Variants in ZNF528 observed in about 807,000 individuals in gnomAD.
The protein encoded by ZNF528 is zinc finger protein 528.
In ZNF528, 9 loss-of-function variants were observed where a neutral mutation model predicts 13.3. The observed-to-expected ratio is 0.67, with a 90% CI of 0.41 to 1.18. The LOEUF (loss-of-function observed/expected upper bound fraction) is 1.18. Ranked by LOEUF, ZNF528 falls within the 50% of genes most tolerant of loss-of-function variation. The probability of loss-of-function intolerance (pLI) is 0.01; values close to 1 mark genes in which losing one functional copy is unlikely to be tolerated. For synonymous variants in ZNF528, 264 were observed against 254.3 expected, an observed-to-expected ratio of 1.04 and a Z score of -0.36; for missense variants, 858 against 745.4, an observed-to-expected ratio of 1.15 and a Z score of -1.76.
rs142551816 is a variant in ZNF528, at chr19:52,403,340, G to A, written c.15+1312G>A. ...TTGAGACCCTGTGTCTAAAAATTGC[G>A]AACCAAACTAATGATGAAAAATATG... On this transcript the variant is annotated intron_variant, in intron 4 of 6. Transcript: ENST00000360465. Among the ~76,000 whole-genome samples the A allele has an allele frequency of 1.6e-4, 25 of 152,162 alleles. No individual in the cohort carries two copies. The East Asian group carries it at 4.3e-3, about 26-fold the overall frequency.
chr19:52,416,716 C>CA lies in ZNF528; in HGVS notation c.1865dup (p.His623AlafsTer20), dbSNP rs776964525. On this transcript the variant is annotated frameshift_variant, in exon 7 of 7. Coordinates refer to ENST00000360465, the MANE Select transcript of ZNF528 (RefSeq NM_032423.3). LOFTEE classifies it high-confidence loss of function. ...CTTCAGTCACAATTCTGACCTTGCACAGCATCAGAGAGTTCATTCATGAGA... is the reference window on the plus strand; with the variant it reads ...CTTCAGTCACAATTCTGACCTTGCACAAGCATCAGAGAGTTCATTCATGAGA... 2 of 1,604,910 alleles carry CA rather than the reference C, an allele frequency of 1.2e-6. No individual in the cohort carries two copies. The highest frequency in any genetic ancestry group is 2.2e-5 in the South Asian group (2 of 90,658).
At chr19:52,403,443 A>G (rs1163884152) in intron 4 of ZNF528, among the ~76,000 whole-genome samples, 1 of 152,116 alleles carries the variant, frequency 6.6e-6, no homozygotes, top group African/African-American at 2.4e-5. Context: ...CGGGCAGATG[A>G]GAGGGTCAGG....
In ZNF528 at chr19:52,418,138, C is replaced by G. The variant is rs1233033134; in HGVS notation, c.*1399C>G. On this transcript the variant is annotated 3_prime_UTR_variant, in exon 7 of 7. Coordinates refer to ENST00000360465, the MANE Select transcript of ZNF528 (RefSeq NM_032423.3). ...TAGCTGGGATTACAGGCGTGTACCA[C>G]CATACCCAGCTAATTTTTGTATTTT... The G allele has an allele frequency of 6.6e-6, 1 of 152,152 alleles. No individual in the cohort carries two copies. Among genetic ancestry groups the G allele is most frequent in the Non-Finnish European group, 1.5e-5 (1 of 68,074 alleles). The allele number at this position is 152,152 out of a possible 1,614,324, so 9.4% of individuals were successfully genotyped here. A position where few individuals can be genotyped will look rare whatever the true frequency, so the allele number is the denominator to read the frequency against.
chr19:52,398,239 A>G (rs1482157785), intron 1 of ZNF528, 128 bp from the exon 2 acceptor site: 1 of 152,438 alleles, frequency 6.6e-6, no homozygotes, highest in East Asian at 1.9e-4. Context: ...CTTTGCCCCT[A>G]GAGCTCAGCG....
Position 52,415,220 on chromosome 19 carries a change from T to A in ZNF528, c.368T>A (p.Phe123Tyr). The A allele has an allele frequency of 6.2e-7, 1 of 1,614,146 alleles. No homozygotes were observed. The highest frequency in any genetic ancestry group is 2.2e-5 in the East Asian group (1 of 44,874). ...FQLHLSDLQLFQAERKISGCK... is the reference protein window; with the variant it reads ...FQLHLSDLQLYQAERKISGCK... ...TTACATCTGAGTGATCTACAGCTAT[T>A]TCAAGCTGAAAGGAAAATTTCTGGG... Residue 123 changes from phenylalanine (F) to tyrosine (Y), a missense_variant, in exon 7 of 7, where the codon TTT becomes TAT. Transcript: ENST00000360465.
chr19:52,412,008 T>G (rs943720747), intron 6 of ZNF528: 1 of 152,210 alleles, frequency 6.6e-6, no homozygotes, highest in African/African-American at 2.4e-5. Flanking sequence ...GAGTCGATGC[T>G]GGGGGCCAGT....
chr19:52,399,337 A>AGCTGTGG (rs2058764714), intron 2 of ZNF528, among the ~76,000 whole-genome samples: 1 of 152,130 alleles, frequency 6.6e-6, no homozygotes, highest in Admixed American at 6.6e-5. Context: ...TGAGGCTAGG[A>AGCTGTGG]GCTGTGGCTC....
Position 52,418,240 on chromosome 19 carries a change from C to G in ZNF528, c.*1501C>G, listed in dbSNP as rs750981212. On this transcript the variant is annotated 3_prime_UTR_variant, in exon 7 of 7. Coordinates refer to ENST00000360465, the MANE Select transcript of ZNF528 (RefSeq NM_032423.3). Reference sequence around the variant, plus strand: ...CCTCAGGCGATCCATCTGCCTCAGCCTGAAAGTGCTAGGATTACAGGCGTG... The same window carrying G: ...CCTCAGGCGATCCATCTGCCTCAGCGTGAAAGTGCTAGGATTACAGGCGTG... 3.9e-5 allele frequency: 6 copies of G among 152,210 alleles called. No homozygotes were observed. The highest frequency in any genetic ancestry group is 1.3e-4 in the Admixed American group (2 of 15,282). 9.4% of individuals were successfully genotyped at this position (152,210 alleles called of 1,614,324 possible). A position where few individuals can be genotyped will look rare whatever the true frequency, so the allele number is the denominator to read the frequency against.
intron 6 of ZNF528, among the ~76,000 whole-genome samples, chr19:52,410,679 T>C (rs914393928): frequency 6.6e-6 from 1 of 152,194 alleles, no homozygotes; most frequent in African/African-American, 2.4e-5. Context: ...AAAGTTCTGT[T>C]GGAGATAGGG....
chr19:52,414,098 T>A, intron 6 of ZNF528: 2 of 653,568 alleles, frequency 3.1e-6, no homozygotes, highest in South Asian at 3.4e-5. Flanking sequence ...CGCAGTACTT[T>A]AGAGCACCGA....
Position 52,416,225 on chromosome 19 carries a change from T to C in ZNF528, c.1373T>C (p.Ile458Thr). Residue 458 changes from isoleucine (I) to threonine (T), a missense_variant, in exon 7 of 7, where the codon ATC (isoleucine) becomes ACC (threonine). Ile to Thr is a moderately conservative substitution (Grantham distance 89). Transcript: ENST00000360465. ...EFSDLTAHFL[I>T]HSGEKPYECK... Reference sequence around the variant, plus strand: ...TCAGACCTTACTGCCCATTTTCTAATCCATAGTGGAGAGAAACCTTATGAA... The same window carrying C: ...TCAGACCTTACTGCCCATTTTCTAACCCATAGTGGAGAGAAACCTTATGAA... 6.2e-7 allele frequency: 1 copy of C among 1,613,504 alleles called. No individual in the cohort carries two copies. Among genetic ancestry groups the C allele is most frequent in the Non-Finnish European group, 8.5e-7 (1 of 1,179,726 alleles).
rs61744967 is a variant in ZNF528, at chr19:52,415,558, A to G, written c.706A>G (p.Thr236Ala). ...GCTTGTGATACATCGAAGAATGCAT[A>G]CTGGAGAGAAGCCTTACAAATGTCA... Reference protein sequence around the residue: ...SKLVIHRRMHTGEKPYKCHEC... With the variant: ...SKLVIHRRMHAGEKPYKCHEC... The change falls in exon 7 of 7, where the codon ACT (threonine) becomes GCT (alanine). Residue 236 changes from threonine (T) to alanine (A), a missense_variant. Physicochemically the swap from Thr to Ala is moderately conservative, Grantham distance 58. Transcript: ENST00000360465. The G allele has an allele frequency of 1.1e-4, 173 of 1,614,078 alleles. 1 individual carries two copies. The highest frequency in any genetic ancestry group is 1.3e-4 in the Non-Finnish European group (153 of 1,180,050).
At position 52,415,800 on chromosome 19, in the gene ZNF528, A is replaced by G. The variant is rs763135383; in HGVS notation, c.948A>G (p.Gln316=). Residue 316 remains glutamine (Q), a synonymous_variant, in exon 7 of 7, where the codon CAA becomes CAG. Transcript: ENST00000360465. The part of the protein sequence containing the change: ...FNQIAHLVRH[Q]KIHTGEKPYS... ...AAATTGCACACCTTGTACGACATCAAAAAATTCATACTGGAGAGAAACCTT... is the reference window on the plus strand; with the variant it reads ...AAATTGCACACCTTGTACGACATCAGAAAATTCATACTGGAGAGAAACCTT... The G allele has an allele frequency of 1.9e-6, 3 of 1,614,066 alleles. No individual in the cohort carries two copies. The highest frequency in any genetic ancestry group is 2.5e-6 in the Non-Finnish European group (3 of 1,180,004).
intron 4 of ZNF528, among the ~76,000 whole-genome samples, chr19:52,403,972 AT>A (rs34025092): frequency 0.68 from 103,793 of 152,004 alleles, 39,282 homozygotes; most frequent in Non-Finnish European, 0.86. Flanking sequence ...ATATGCAGAT[AT>A]AATGACCTTT....
intron 4 of ZNF528, chr19:52,402,429 A>G (rs1397716985): frequency 3.4e-5 from 8 of 232,248 alleles, no homozygotes; most frequent in Non-Finnish European, 5.0e-5. Context: ...TTTGAGACAG[A>G]GTCTCACACG....
In ZNF528 at chr19:52,416,103, C is replaced by T; in HGVS notation, c.1251C>T (p.Ile417=). Residue 417 remains isoleucine, a synonymous_variant, in exon 7 of 7, where the codon ATC becomes ATT. Transcript: ENST00000360465. ...RPYGCSQCGK[I]FSQKSDLIRH... The stretch of plus-strand genomic sequence containing the variant: ...ATGGATGCAGTCAGTGTGGCAAGAT[C>T]TTTAGTCAGAAATCAGACCTTATAC... 1.2e-6 allele frequency: 2 copies of T among 1,614,034 alleles called. No individual in the cohort carries two copies. The highest frequency in any genetic ancestry group is 8.5e-7 in the Non-Finnish European group (1 of 1,180,028).
Position 52,415,387 on chromosome 19 carries a change from G to A in ZNF528, c.535G>A (p.Ala179Thr). ...HAPLLPQEQK[A>T]HIREKAYKCN... ...TCCATTACTTCCACAAGAACAGAAA[G>A]CACACATTAGGGAAAAAGCTTATAA... Residue 179 changes from alanine (A) to threonine (T), a missense_variant, in exon 7 of 7, where the codon GCA (alanine) becomes ACA (threonine). By Grantham distance (58) the Ala-to-Thr change is moderately conservative. Transcript: ENST00000360465. 1 of 1,614,024 alleles carries A rather than the reference G, an allele frequency of 6.2e-7. No individual in the cohort carries two copies. Among genetic ancestry groups the A allele is most frequent in the Non-Finnish European group, 8.5e-7 (1 of 1,180,010 alleles).
intron 2 of ZNF528, among the ~76,000 whole-genome samples, chr19:52,400,319 A>T (rs2122503199): frequency 6.6e-6 from 1 of 152,128 alleles, no homozygotes; most frequent in East Asian, 1.9e-4. Context: ...AGTATTAGCT[A>T]CATTTTTACT....
intron 2 of ZNF528, among the ~76,000 whole-genome samples, chr19:52,400,402 A>T (rs1031171137): frequency 2.6e-5 from 4 of 151,656 alleles, no homozygotes; most frequent in African/African-American, 7.3e-5. Context: ...GCGCTCTCTC[A>T]CTCTTTCCTC....
Sources: allele counts gnomAD v4.1 joint callset (sites outside exome capture counted in the v4.1 genomes callset), GRCh38; gene constraint gnomAD v4.1.1; transcripts MANE v1.5; gene names NCBI Gene and HGNC (gene_info 2026-07-23, HGNC 2026-07-21).